PCDH7: variants seen among roughly 807,000 people sequenced by gnomAD.
The protein encoded by PCDH7 is protocadherin 7.
A neutral mutation model predicts 58.9 loss-of-function variants in PCDH7; 17 were observed. That is an observed-to-expected ratio of 0.29 (90% CI 0.20 to 0.43). The LOEUF (loss-of-function observed/expected upper bound fraction) is 0.43, where lower values mean the gene tolerates loss of function less well. Ranked by LOEUF, PCDH7 falls within the 20% of genes least tolerant of loss-of-function variation. The pLI is 1.00. For synonymous variants in PCDH7, 664 were observed against 616.4 expected (o/e 1.08, Z -1.14); for missense variants, 1,274 against 1,441.0 (o/e 0.88, Z 1.88).
chr4:31,045,319 CCTT>C (rs1363215497), intron 3 of PCDH7, among the ~76,000 whole-genome samples: 5 of 151,864 alleles, frequency 3.3e-5, no homozygotes, highest in African/African-American at 7.2e-5. Flanking sequence ...CGATTGCAAA[CCTT>C]CTTTGATATC....
At chr4:30,838,809 C>G (rs1305552766) in intron 1 of PCDH7, among the ~76,000 whole-genome samples, 1 of 152,090 alleles carries the variant, frequency 6.6e-6, no homozygotes, top group Non-Finnish European at 1.5e-5. Context: ...TGCAGAAAGT[C>G]TAGCATCCAA....
At position 30,722,772 on chromosome 4, in the gene PCDH7, A is replaced by C. The variant is rs769275879; in HGVS notation, c.1350A>C (p.Arg450=). 1.3e-5 allele frequency: 21 copies of C among 1,613,500 alleles called. No individual in the cohort carries two copies. In the African/African-American group the frequency reaches 2.7e-4, roughly 21 times the overall value. Residue 450 remains arginine (R), a synonymous_variant, in exon 1 of 2, where the codon CGA becomes CGC. Transcript: ENST00000361762. This position sits in a 1 kb window ranked among gnomAD's most constrained non-coding sequence, Gnocchi z 7.6. ...TCGCTCTGGTGCAGGTGTCCGACCG[A>C]GACCAAGGCGAGAACGGGGTGGTCA...
At chr4:30,855,077 T>C (rs1733286638) in intron 1 of PCDH7, among the ~76,000 whole-genome samples, 1 of 152,164 alleles carries the variant, frequency 6.6e-6, no homozygotes, top group Admixed American at 6.6e-5. Context: ...GGAAGGCTCA[T>C]TGCTAATTTT....
At chr4:30,740,090 T>C (rs1217968451) in intron 1 of PCDH7, among the ~76,000 whole-genome samples, 3 of 152,198 alleles carry the variant, frequency 2.0e-5, no homozygotes, top group African/African-American at 4.8e-5. Flanking sequence ...GTTAAGTAAC[T>C]TGCTCATGGT....
intron 3 of PCDH7, among the ~76,000 whole-genome samples, chr4:31,092,163 T>C (rs1385388234): frequency 3.9e-5 from 6 of 152,104 alleles, no homozygotes. Flanking sequence ...ATATTTTCTA[T>C]ATATACATAG....
At chr4:31,007,717 ATTGTGTGCCGT>A (rs1752885742) in intron 3 of PCDH7, among the ~76,000 whole-genome samples, 1 of 152,054 alleles carries the variant, frequency 6.6e-6, no homozygotes, top group Admixed American at 6.6e-5. Flanking sequence ...AAATCTAGTA[ATTGTGTGCCGT>A]ATGTGGTAAG....
intron 3 of PCDH7, among the ~76,000 whole-genome samples, chr4:31,090,539 C>A (rs965763373): frequency 2.6e-5 from 4 of 152,062 alleles, no homozygotes; most frequent in African/African-American, 9.7e-5. Flanking sequence ...AAAAGGAATT[C>A]TTTCCCCACA....
intron 1 of PCDH7, among the ~76,000 whole-genome samples, chr4:30,832,022 A>G (rs1055643066): frequency 1.3e-5 from 2 of 152,316 alleles, no homozygotes; most frequent in Non-Finnish European, 1.5e-5. Context: ...GATTCTCAAA[A>G]AGTAACACTT....
chr4:30,741,138 A>C (rs2166718), intron 1 of PCDH7, among the ~76,000 whole-genome samples: 45,342 of 152,034 alleles, frequency 0.3, 7,102 homozygotes, highest in African/African-American at 0.32. Context: ...CTGAGTTGAT[A>C]TATCATTAGA....
intron 3 of PCDH7, among the ~76,000 whole-genome samples, chr4:31,108,434 A>AGAG (rs1491409039): frequency 6.6e-6 from 1 of 150,830 alleles, no homozygotes; most frequent in Non-Finnish European, 1.5e-5. Flanking sequence ...TACAGGAAAA[A>AGAG]GAGACGGGGG....
downstream of PCDH7, among the ~76,000 whole-genome samples, chr4:30,736,578 G>C (rs13143986): frequency 0.64 from 93,958 of 146,806 alleles, 30,266 homozygotes; most frequent in East Asian, 0.69. Context: ...CTCTGCCGCC[G>C]GGGCTGGAGT....
chr4:31,009,060 T>G (rs141527909), intron 3 of PCDH7, among the ~76,000 whole-genome samples: 1 of 152,222 alleles, frequency 6.6e-6, no homozygotes, highest in African/African-American at 2.4e-5. Flanking sequence ...ATTTGGAAAA[T>G]TATTGACACA....
intron 3 of PCDH7, among the ~76,000 whole-genome samples, chr4:30,954,759 G>T (rs1454982640): frequency 6.6e-6 from 1 of 152,108 alleles, no homozygotes; most frequent in Non-Finnish European, 1.5e-5. Flanking sequence ...TTTTTAAAGT[G>T]AATTCCAACT....
At chr4:30,994,355 G>A (rs576582870) in intron 3 of PCDH7, among the ~76,000 whole-genome samples, 2 of 152,054 alleles carry the variant, frequency 1.3e-5, no homozygotes, top group Admixed American at 6.6e-5. Context: ...GAACTGACAC[G>A]ATGACCCATG....
chr4:30,869,040 G>T (rs555838921), intron 1 of PCDH7: 1 of 152,032 alleles, frequency 6.6e-6, no homozygotes, highest in African/African-American at 2.4e-5. Context: ...GGAGAACAAC[G>T]TGTTAATCTT....
intron 3 of PCDH7, among the ~76,000 whole-genome samples, chr4:31,139,070 A>G (rs911300307): frequency 2.0e-5 from 3 of 152,176 alleles, no homozygotes; most frequent in African/African-American, 7.2e-5. Context: ...ATAAGATGCA[A>G]TGATTCTAGT....
chr4:30,988,541 C>T (rs1410300658), intron 3 of PCDH7, among the ~76,000 whole-genome samples: 1 of 152,088 alleles, frequency 6.6e-6, no homozygotes, highest in Non-Finnish European at 1.5e-5. Context: ...ATTGTTGAAA[C>T]AAGAAATATA....
At chr4:30,749,977 G>A (rs1718290586) in intron 1 of PCDH7, among the ~76,000 whole-genome samples, 1 of 152,072 alleles carries the variant, frequency 6.6e-6, no homozygotes, top group Non-Finnish European at 1.5e-5. Flanking sequence ...TTAAATGGGA[G>A]TAAATAACTG....
At chr4:31,076,380 A>G (rs1469408275) in intron 3 of PCDH7, among the ~76,000 whole-genome samples, 1 of 152,238 alleles carries the variant, frequency 6.6e-6, no homozygotes, top group Non-Finnish European at 1.5e-5. Context: ...AAAGAAACAC[A>G]TTTAAAAATG....
Sources: allele counts gnomAD v4.1 joint callset (sites outside exome capture counted in the v4.1 genomes callset), GRCh38; gene constraint gnomAD v4.1.1; non-coding constraint Gnocchi (gnomAD v3.1); transcripts MANE v1.5; gene names NCBI Gene and HGNC (gene_info 2026-07-23, HGNC 2026-07-21).